The following CASP8 variants were observed in gnomAD, a reference collection of about 807,000 sequenced individuals.
The protein encoded by CASP8 is caspase-8.
Under a neutral mutation model 46.3 loss-of-function variants are expected in CASP8, and 24 were observed. The ratio of observed to expected loss-of-function variants is 0.52; its 90% CI spans 0.38 to 0.73. CASP8 has a LOEUF of 0.73. Ranked by LOEUF, CASP8 falls within the 30% of genes least tolerant of loss-of-function variation. The pLI is 0.00. For synonymous variants in CASP8, 188 were observed against 200.4 expected (o/e 0.94, Z 0.52); for missense variants, 460 against 559.0 (o/e 0.82, Z 1.79).
chr2:201,255,365 A>G (rs1049599910), intron 2 of CASP8, among the ~76,000 whole-genome samples: 2 of 152,216 alleles, frequency 1.3e-5, no homozygotes, highest in Non-Finnish European at 2.9e-5. Flanking sequence ...GGGGTAAGCC[A>G]CTGTGCCTGG....
At chr2:201,285,646 G>C (rs1350127624) in intron 8 of CASP8, among the ~76,000 whole-genome samples, 5 of 152,186 alleles carry the variant, frequency 3.3e-5, no homozygotes, top group Non-Finnish European at 5.9e-5. Flanking sequence ...AGCAGGAAAG[G>C]ATAGGAAAGT....
intron 2 of CASP8, among the ~76,000 whole-genome samples, chr2:201,250,992 G>T (rs576559766): frequency 6.6e-6 from 1 of 152,190 alleles, no homozygotes; most frequent in Admixed American, 6.5e-5. Flanking sequence ...ATGTCACATA[G>T]TTGGAATCAT....
chr2:201,285,423 G>T, intron 8 of CASP8, 106 bp downstream of exon 8: 2 of 1,364,768 alleles, frequency 1.5e-6, no homozygotes, highest in Non-Finnish European at 2.1e-6. Context: ...AGTGCTATGT[G>T]ATTTAGATCA....
At chr2:201,283,091 G>A (rs1949229200) in intron 7 of CASP8, among the ~76,000 whole-genome samples, 1 of 71,018 alleles carries the variant, frequency 1.4e-5, no homozygotes, top group Non-Finnish European at 3.5e-5. Context: ...GCCGGGCGGG[G>A]GGCTGACCCC....
chr2:201,237,342 C>T (rs796778424), intron 2 of CASP8, among the ~76,000 whole-genome samples: 34 of 150,628 alleles, frequency 2.3e-4, no homozygotes, highest in African/African-American at 7.5e-4. Context: ...CTGCCCGCCT[C>T]GGCTTCCCAA....
At chr2:201,269,122 T>C (rs1428243516) in intron 2 of CASP8, among the ~76,000 whole-genome samples, 1 of 152,014 alleles carries the variant, frequency 6.6e-6, no homozygotes, top group Non-Finnish European at 1.5e-5. Context: ...TATTTTTTTG[T>C]AGAGATGGAG....
chr2:201,263,478 A>G (rs1018122557), intron 1 of CASP8, among the ~76,000 whole-genome samples: 6 of 152,242 alleles, frequency 3.9e-5, no homozygotes, highest in Admixed American at 3.9e-4. Flanking sequence ...GATGTGTTCA[A>G]ATATAAGGAA....
rs1009440884 is a variant in CASP8, at chr2:201,251,462, G to A, written c.-26-14999G>A. On this transcript the variant is annotated intron_variant, in intron 2 of 6. Transcript: ENST00000264274. The stretch of plus-strand genomic sequence containing the variant: ...ATACAAAAATTAGCTGGGCGTGGTG[G>A]CGTGTGCCTGTAATCCCAGCTACTC... Among the ~76,000 whole-genome samples the A allele has an allele frequency of 2.6e-5, 4 of 151,958 alleles. No homozygotes were observed. In the South Asian group the frequency reaches 6.2e-4, roughly 24 times the overall value.
chr2:201,254,174 G>A (rs892889139), intron 2 of CASP8, among the ~76,000 whole-genome samples: 5 of 151,988 alleles, frequency 3.3e-5, no homozygotes, highest in Admixed American at 6.6e-5. Context: ...TTCTAAATCC[G>A]TGGTACGGAT....
chr2:201,252,294 T>C (rs772937780), intron 2 of CASP8, among the ~76,000 whole-genome samples: 9 of 152,158 alleles, frequency 5.9e-5, no homozygotes, highest in Non-Finnish European at 1.2e-4. Flanking sequence ...TGTTTTTTTT[T>C]GAGACAGAGT....
At chr2:201,245,101 C>A (rs1946453715) in intron 2 of CASP8, among the ~76,000 whole-genome samples, 1 of 152,174 alleles carries the variant, frequency 6.6e-6, no homozygotes, top group South Asian at 2.1e-4. Flanking sequence ...CATATATGCC[C>A]CATGCTTGGG....
upstream of CASP8, among the ~76,000 whole-genome samples, chr2:201,256,698 A>G (rs1157223843): frequency 1.3e-5 from 2 of 152,228 alleles, no homozygotes; most frequent in East Asian, 1.9e-4. Context: ...TTCCTCATCC[A>G]TAACATGGGA....
rs528600334 is a variant in CASP8 at position 201,254,798 on chromosome 2, C to T, written c.-26-11663C>T. 1.1e-4 allele frequency among the ~76,000 whole-genome samples: 16 copies of T among 152,272 alleles called. No homozygotes were observed. The South Asian group carries it at 3.3e-3, about 32-fold the overall frequency. On this transcript the variant is annotated intron_variant, in intron 2 of 6. Transcript: ENST00000264274. ...AGGCCTCCAGGTGGGAGCTGAGATT[C>T]TAGAGGGTGGAAACCACTTGGAGAT...
intron 6 of CASP8, among the ~76,000 whole-genome samples, chr2:201,276,583 A>G (rs1002508092): frequency 3.9e-5 from 6 of 152,206 alleles, no homozygotes; most frequent in Non-Finnish European, 7.3e-5. Context: ...TGATGACAAC[A>G]ATATTAATAT....
At chr2:201,252,738 C>T (rs889873576) in intron 2 of CASP8, among the ~76,000 whole-genome samples, 3 of 152,104 alleles carry the variant, frequency 2.0e-5, no homozygotes. Flanking sequence ...ATGTTGTAAA[C>T]CACGAAAAGT....
chr2:201,285,830 T>G (rs1949532189), intron 8 of CASP8, among the ~76,000 whole-genome samples: 1 of 152,244 alleles, frequency 6.6e-6, no homozygotes, highest in African/African-American at 2.4e-5. Context: ...TTATGGGAGA[T>G]AAATAGCAGG....
intron 8 of CASP8, among the ~76,000 whole-genome samples, 194 bp downstream of exon 8, chr2:201,285,511 G>A (rs906495886): frequency 6.6e-6 from 1 of 152,226 alleles, no homozygotes; most frequent in South Asian, 2.1e-4. Context: ...TCACATAGCT[G>A]CATTTCCCAG....
At chr2:201,273,671 CAA>C (rs775157683) in intron 5 of CASP8, among the ~76,000 whole-genome samples, 15 of 151,992 alleles carry the variant, frequency 9.9e-5, no homozygotes, top group Non-Finnish European at 1.9e-4. Context: ...TTTGATTAAT[CAA>C]ATAGTCTTTT....
intron 2 of CASP8, among the ~76,000 whole-genome samples, chr2:201,234,485 T>C (rs1439837891): frequency 2.0e-5 from 3 of 152,136 alleles, no homozygotes; most frequent in Non-Finnish European, 4.4e-5. Flanking sequence ...AGTCTTGCTC[T>C]GTCGCCTAGC....
Sources: allele counts gnomAD v4.1 joint callset (sites outside exome capture counted in the v4.1 genomes callset), GRCh38; gene constraint gnomAD v4.1.1; transcripts MANE v1.5; gene names NCBI Gene and HGNC (gene_info 2026-07-23, HGNC 2026-07-21).